Variants in SLC4A4 observed in about 807,000 individuals in gnomAD.
SLC4A4 encodes solute carrier family 4 member 4.
Under a neutral mutation model 111.5 loss-of-function variants are expected in SLC4A4, and 27 were observed. The observed-to-expected ratio is 0.24, with a 90% CI of 0.18 to 0.33. The LOEUF (loss-of-function observed/expected upper bound fraction) is 0.33. Ranked by LOEUF, SLC4A4 falls within the 10% of genes least tolerant of loss-of-function variation. The pLI is 1.00. For missense variants in SLC4A4, 909 were observed against 1,315.5 expected (o/e 0.69, Z 4.78); for synonymous variants, 443 against 463.4 (o/e 0.96, Z 0.57).
chr4:71,295,947 AC>A (rs1724753834), intron 3 of SLC4A4, among the ~76,000 whole-genome samples: 1 of 151,126 alleles, frequency 6.6e-6, no homozygotes, highest in Non-Finnish European at 1.5e-5. Context: ...GTCATGAACC[AC>A]CGTGCCTGGC....
chr4:71,066,686 C>T (rs985464205), intron 1 of SLC4A4, among the ~76,000 whole-genome samples: 5 of 152,122 alleles, frequency 3.3e-5, no homozygotes, highest in Admixed American at 6.5e-5. Context: ...TCTTTCTTCT[C>T]TTTGATGTCT....
chr4:71,552,385 A>G (rs531764511), intron 20 of SLC4A4, among the ~76,000 whole-genome samples: 1 of 151,728 alleles, frequency 6.6e-6, no homozygotes, highest in African/African-American at 2.4e-5. Flanking sequence ...ACATACACAC[A>G]CACACATACA....
chr4:71,231,963 T>A (rs1365674525), intron 1 of SLC4A4, among the ~76,000 whole-genome samples: 2 of 152,174 alleles, frequency 1.3e-5, no homozygotes, highest in African/African-American at 2.4e-5. Flanking sequence ...AATTGACATT[T>A]GTGGTGTAAA....
chr4:71,324,447 G>C (rs1372543481), intron 3 of SLC4A4, among the ~76,000 whole-genome samples: 2 of 151,894 alleles, frequency 1.3e-5, no homozygotes, highest in Non-Finnish European at 2.9e-5. Context: ...GACCAAAAAG[G>C]CTGTGGGCCA....
At chr4:71,378,672 C>T (rs1391227365) in intron 6 of SLC4A4, among the ~76,000 whole-genome samples, 1 of 152,202 alleles carries the variant, frequency 6.6e-6, no homozygotes, top group Non-Finnish European at 1.5e-5. Context: ...AGTATTCCAG[C>T]TACAGATATC....
chr4:71,547,368 G>A (rs1255616351), intron 19 of SLC4A4, among the ~76,000 whole-genome samples: 2 of 151,962 alleles, frequency 1.3e-5, no homozygotes, highest in Admixed American at 6.6e-5. Flanking sequence ...CCAAGAGCAA[G>A]TGATTTTTCT....
At chr4:71,199,183 G>A (rs1746140408) in intron 1 of SLC4A4, among the ~76,000 whole-genome samples, 1 of 152,136 alleles carries the variant, frequency 6.6e-6, no homozygotes, top group African/African-American at 2.4e-5. Flanking sequence ...GGGTCTGACC[G>A]CACATGACAG....
intron 3 of SLC4A4, among the ~76,000 whole-genome samples, chr4:71,259,321 A>T (rs1721680268): frequency 6.6e-6 from 1 of 152,010 alleles, no homozygotes; most frequent in Admixed American, 6.6e-5. Context: ...TGATTTTTAC[A>T]CATTTGGAGC....
At position 71,216,081 on chromosome 4, in the gene SLC4A4, G is replaced by T. The variant is rs563316333; in HGVS notation, c.-1-20495G>T. ...GCACCACCAGGCCTGGCTAACTTTTGTATTTTTAGTAGAGACGGGGTTTCA... is the reference window on the plus strand; with the variant it reads ...GCACCACCAGGCCTGGCTAACTTTTTTATTTTTAGTAGAGACGGGGTTTCA... On this transcript the variant is annotated intron_variant, in intron 1 of 25. Coordinates refer to ENST00000264485, the MANE Select transcript of SLC4A4 (RefSeq NM_001098484.3). Among the ~76,000 whole-genome samples, 47 of 151,664 alleles carry T rather than the reference G, an allele frequency of 3.1e-4. No individual in the cohort carries two copies. The South Asian group carries it at 9.4e-3, about 30-fold the overall frequency.
chr4:71,428,092 A>G (rs1325448055), intron 7 of SLC4A4, among the ~76,000 whole-genome samples: 2 of 152,176 alleles, frequency 1.3e-5, no homozygotes, highest in Non-Finnish European at 2.9e-5. Flanking sequence ...TGCAGAGAAG[A>G]GGAATAAATA....
chr4:71,376,393 C>T (rs995590969), intron 6 of SLC4A4, among the ~76,000 whole-genome samples: 2 of 150,098 alleles, frequency 1.3e-5, no homozygotes, highest in Non-Finnish European at 3.0e-5. Flanking sequence ...TTAGTAGAGA[C>T]GGGGTTTCAC....
intron 16 of SLC4A4, among the ~76,000 whole-genome samples, chr4:71,517,296 T>C (rs1008904713): frequency 2.0e-5 from 3 of 152,046 alleles, no homozygotes; most frequent in Non-Finnish European, 2.9e-5. Flanking sequence ...TTGTTTTTTT[T>C]CTCTACTGAC....
intron 2 of SLC4A4, among the ~76,000 whole-genome samples, chr4:71,177,494 C>G (rs1290719689): frequency 6.6e-6 from 1 of 151,932 alleles, no homozygotes; most frequent in Non-Finnish European, 1.5e-5. Flanking sequence ...ATCTACCAAG[C>G]AAATGGAAAA....
At chr4:71,331,297 C>A (rs1727964757) in intron 3 of SLC4A4, among the ~76,000 whole-genome samples, 1 of 152,136 alleles carries the variant, frequency 6.6e-6, no homozygotes, top group African/African-American at 2.4e-5. Flanking sequence ...TTTATTGCGG[C>A]ACTATTCGTA....
At chr4:71,171,506 T>C (rs1744940046) in intron 2 of SLC4A4, among the ~76,000 whole-genome samples, 1 of 152,240 alleles carries the variant, frequency 6.6e-6, no homozygotes, top group South Asian at 2.1e-4. Flanking sequence ...ATTTTTATCC[T>C]GTTGTCTAGT....
intron 2 of SLC4A4, among the ~76,000 whole-genome samples, chr4:71,093,716 C>T (rs952454497): frequency 6.6e-6 from 1 of 152,084 alleles, no homozygotes; most frequent in Non-Finnish European, 1.5e-5. Flanking sequence ...GATGCATTTT[C>T]CCCCTTTGTG....
chr4:71,476,200 T>C (rs769318171), intron 14 of SLC4A4, among the ~76,000 whole-genome samples: 2 of 151,836 alleles, frequency 1.3e-5, no homozygotes, highest in Non-Finnish European at 2.9e-5. Context: ...TTTTTGACAA[T>C]GTTAATACTT....
At chr4:71,514,878 T>C (rs1001489757) in intron 16 of SLC4A4, among the ~76,000 whole-genome samples, 3 of 152,152 alleles carry the variant, frequency 2.0e-5, no homozygotes, top group African/African-American at 7.2e-5. Context: ...TCTTCTTTCT[T>C]TTTTTCTTGT....
Position 71,236,570 on chromosome 4 carries a change from C to G in SLC4A4, c.-1-6C>G. The G allele has an allele frequency of 6.2e-7, 1 of 1,612,324 alleles. No homozygotes were observed. The highest frequency in any genetic ancestry group is 8.5e-7 in the Non-Finnish European group (1 of 1,178,618). On this transcript the variant is annotated splice_polypyrimidine_tract_variant and splice_region_variant and intron_variant, in intron 1 of 25. Transcript: ENST00000264485. ...AGCATTCTTTTTTTCTTTTTTATTACTATAGGATGGAGGATGAAGCTGTCC... is the reference window on the plus strand; with the variant it reads ...AGCATTCTTTTTTTCTTTTTTATTAGTATAGGATGGAGGATGAAGCTGTCC...
Sources: gnomAD v4.1 joint callset for allele counts (sites outside exome capture counted in the v4.1 genomes callset) on GRCh38, gnomAD v4.1.1 for gene constraint, MANE v1.5 for transcripts, NCBI Gene and HGNC (gene_info 2026-07-23, HGNC 2026-07-21) for gene names.